The following KIF19 variants were observed in gnomAD, a reference collection of about 807,000 sequenced individuals.
KIF19 encodes the protein kinesin family member 19.
KIF19 carries 98 observed loss-of-function variants against 106.6 expected under a neutral mutation model. That is an observed-to-expected ratio of 0.92 (90% confidence interval 0.78 to 1.09). The LOEUF (loss-of-function observed/expected upper bound fraction) is 1.09, where lower values mean the gene tolerates loss of function less well. Among genes scored for constraint, KIF19 ranks in the 50% least tolerant of loss-of-function variants. KIF19 has a pLI of 0.00. For synonymous variants in KIF19, 516 were observed against 584.2 expected (o/e 0.88, Z 1.68); for missense variants, 1,373 against 1,414.3 (o/e 0.97, Z 0.47).
intron 11 of KIF19, 56 bp downstream of exon 11, chr17:74,350,631 G>A: frequency 6.2e-7 from 1 of 1,609,294 alleles, no homozygotes; most frequent in Non-Finnish European, 8.5e-7. Flanking sequence ...GGACAGAGGA[G>A]CACGACCTGT....
intron 7 of KIF19, among the ~76,000 whole-genome samples, chr17:74,345,520 C>T (rs962446596): frequency 6.6e-6 from 1 of 152,092 alleles, no homozygotes; most frequent in Non-Finnish European, 1.5e-5. Context: ...TTGTCCCCTC[C>T]CATGAAGTCC....
rs750882046 is a variant in KIF19, at chr17:74,344,841, C to T, written c.663C>T (p.His221=). 1.9e-5 allele frequency: 30 copies of T among 1,612,706 alleles called. No individual in the cohort carries two copies. The highest frequency in any genetic ancestry group is 8.8e-5 in the South Asian group (8 of 91,082). Residue 221 remains histidine, a synonymous_variant, in exon 7 of 20, where the codon CAC becomes CAT. Transcript: ENST00000389916. The part of the protein sequence containing the change: ...TAANQTSSRS[H]AVLQVTVRQR... ...CCAACCAGACGTCCTCCCGCTCCCA[C>T]GCGGTACTGCAGGTGACCGTGCGCC...
chr17:74,346,368 CG>C lies in KIF19; in HGVS notation c.778-9del, dbSNP rs1567912338. The C allele has an allele frequency of 6.4e-7, 1 of 1,567,642 alleles. No individual in the cohort carries two copies. The highest frequency in any genetic ancestry group is 2.4e-5 in the East Asian group (1 of 41,844). On this transcript the variant is annotated splice_polypyrimidine_tract_variant and intron_variant, in intron 7 of 19. Coordinates refer to ENST00000389916, the MANE Select transcript of KIF19 (RefSeq NM_153209.4). This position sits in a 1 kb window ranked among gnomAD's most constrained non-coding sequence, Gnocchi z 4.6. ...TCAGGCCACACGTGTGCCCTTTGCTCGCCCCCTAGACACAGAATCGTGGGCA... is the reference window on the plus strand; with the variant it reads ...TCAGGCCACACGTGTGCCCTTTGCTCCCCCCTAGACACAGAATCGTGGGCA...
intron 2 of KIF19, among the ~76,000 whole-genome samples, chr17:74,341,116 C>T (rs993589795): frequency 2.6e-5 from 4 of 152,136 alleles, no homozygotes; most frequent in Non-Finnish European, 4.4e-5. Context: ...TGGCGGGTCA[C>T]TTGAGGTCAG....
chr17:74,342,685 A>G lies in KIF19; in HGVS notation c.287A>G (p.Tyr96Cys). 1.9e-6 allele frequency: 3 copies of G among 1,613,694 alleles called. No individual in the cohort carries two copies. The highest frequency in any genetic ancestry group is 1.1e-5 in the South Asian group (1 of 91,078). Residue 96 changes from tyrosine (Y) to cysteine (C), a missense_variant, in exon 4 of 20, where the codon TAC becomes TGC. Around this residue, in one of 3 missense-constraint regions of KIF19, gnomAD observed 348 missense variants for 389.5 expected, o/e 0.89. Transcript: ENST00000389916. ...CTCATCGAGGGCGTCATCTCAGGCT[A>G]CAATGCCACTGTCTTTGCCTATGGC... The part of the protein sequence containing the change: ...KSLIEGVISG[Y>C]NATVFAYGPT...
Position 74,350,448 on chromosome 17 carries a change from C to A in KIF19, c.1261C>A (p.Gln421Lys), listed in dbSNP as rs1296235535. ...SGQGEKAGMG[Q>K]LREQLASAFQ... ...GCAGGGTGAGAAGGCTGGCATGGGA[C>A]AGCTTCGGGAGCAGCTCGCCAGCGC... The change falls in exon 11 of 20, where the codon CAG becomes AAG. Residue 421 changes from glutamine (Q) to lysine (K), a missense_variant. This residue lies in a region of KIF19 where 1,020 missense variants were observed against 1,008.2 expected (regional missense o/e 1.01). Transcript: ENST00000389916. The A allele has an allele frequency of 6.2e-7, 1 of 1,609,044 alleles. No homozygotes were observed. Among genetic ancestry groups the A allele is most frequent in the Non-Finnish European group, 8.5e-7 (1 of 1,178,612 alleles).
intron 9 of KIF19, 51 bp from the exon 10 acceptor site, chr17:74,349,133 A>C: frequency 6.2e-7 from 1 of 1,602,286 alleles, no homozygotes; most frequent in Non-Finnish European, 8.5e-7. Context: ...GGCCTCGGTG[A>C]GTGCACCTGG....
At position 74,349,366 on chromosome 17, in the gene KIF19, GT is replaced by G; in HGVS notation, c.1213+18del. On this transcript the variant is annotated intron_variant, in intron 10 of 19. Coordinates refer to ENST00000389916, the MANE Select transcript of KIF19 (RefSeq NM_153209.4). ...ACATCCAAGGTGCGCCTGTGGGTCT[GT>G]GTGAGTGGCAGCCCCCTCCGGCCAG... The G allele has an allele frequency of 6.3e-7, 1 of 1,576,968 alleles. No homozygotes were observed. The highest frequency in any genetic ancestry group is 8.6e-7 in the Non-Finnish European group (1 of 1,162,350).
intron 1 of KIF19, 84 bp downstream of exon 1, chr17:74,326,472 C>CCG: frequency 7.5e-7 from 1 of 1,339,220 alleles, no homozygotes; most frequent in Non-Finnish European, 1.1e-6. Flanking sequence ...TGTCCCCTCG[C>CCG]CGCCACCCCA....
At chr17:74,334,504 A>G (rs2054175440) in intron 2 of KIF19, among the ~76,000 whole-genome samples, 1 of 152,174 alleles carries the variant, frequency 6.6e-6, no homozygotes, top group South Asian at 2.1e-4. Flanking sequence ...AGAATCGTAT[A>G]GCCAGGCAGG....
chr17:74,343,136 T>C lies in KIF19; in HGVS notation c.432T>C (p.Tyr144=), dbSNP rs1233363859. The change falls in exon 5 of 20, where the codon TAT becomes TAC. Residue 144 remains tyrosine, a synonymous_variant. Coordinates refer to ENST00000389916, the MANE Select transcript of KIF19 (RefSeq NM_153209.4). ...AIEETSNDME[Y]EVSMSYLEIY... ...AGGAGACCAGCAATGACATGGAGTA[T>C]GAGGTCTCCATGTCCTACCTGGAGG... 6.2e-7 allele frequency: 1 copy of C among 1,612,574 alleles called. No homozygotes were observed. Among genetic ancestry groups the C allele is most frequent in the Middle Eastern group, 1.7e-4 (1 of 6,054 alleles).
Position 74,354,347 on chromosome 17 carries a change from C to T in KIF19, c.2494C>T (p.Pro832Ser). 6.2e-7 allele frequency: 1 copy of T among 1,604,850 alleles called. No individual in the cohort carries two copies. The highest frequency in any genetic ancestry group is 8.5e-7 in the Non-Finnish European group (1 of 1,176,394). ...RPPGPLACKR[P>S]PSPTLQHAAS... ...ACCAGGCCCACTGGCCTGCAAGCGG[C>T]CGCCCAGCCCCACACTACAGCATGC... is the stretch of plus-strand genomic sequence containing the variant. Residue 832 changes from proline (P) to serine (S), a missense_variant, in exon 18 of 20, where the codon CCG (proline) becomes TCG (serine). Physicochemically the swap from Pro to Ser is moderately conservative, Grantham distance 74 (BLOSUM62 -1). Around this residue, in one of 3 missense-constraint regions of KIF19, gnomAD observed 1,020 missense variants for 1,008.2 expected, o/e 1.01. Coordinates refer to ENST00000389916, the MANE Select transcript of KIF19 (RefSeq NM_153209.4).
intron 10 of KIF19, among the ~76,000 whole-genome samples, chr17:74,349,671 T>C (rs2054639442): frequency 6.6e-6 from 1 of 152,204 alleles, no homozygotes; most frequent in Admixed American, 6.5e-5. Flanking sequence ...TGCGAGGTCA[T>C]GCCTGCACCC....
intron 2 of KIF19, among the ~76,000 whole-genome samples, chr17:74,329,702 A>G (rs976305381): frequency 3.3e-5 from 5 of 151,998 alleles, no homozygotes; most frequent in African/African-American, 1.2e-4. Flanking sequence ...TCTGTAGACC[A>G]TGGCCAGGAT....
At chr17:74,354,625 T>G in intron 18 of KIF19, 66 bp downstream of exon 18, 2 of 1,545,352 alleles carry the variant, frequency 1.3e-6, no homozygotes, top group Non-Finnish European at 1.7e-6. Flanking sequence ...GAGGGCTGGA[T>G]TTCTCCAAAG....
intron 2 of KIF19, among the ~76,000 whole-genome samples, chr17:74,334,283 A>G (rs2054170802): frequency 6.6e-6 from 1 of 152,150 alleles, no homozygotes; most frequent in African/African-American, 2.4e-5. Flanking sequence ...CAGCATCTGG[A>G]TGGATACAAG....
chr17:74,352,523 C>T (rs553093068), intron 14 of KIF19, among the ~76,000 whole-genome samples, 183 bp downstream of exon 14: 2 of 152,322 alleles, frequency 1.3e-5, no homozygotes, highest in South Asian at 4.1e-4. Flanking sequence ...GACCCTCCTC[C>T]TTGGGCACTC....
intron 1 of KIF19, 55 bp from the exon 2 acceptor site, chr17:74,328,370 G>A: frequency 6.6e-7 from 1 of 1,524,716 alleles, no homozygotes; most frequent in South Asian, 1.2e-5. Context: ...AGGTCTCTCT[G>A]AGGCCCAGCA....
intron 3 of KIF19, among the ~76,000 whole-genome samples, 197 bp from the exon 4 acceptor site, chr17:74,342,433 G>C (rs1394780301): frequency 6.6e-6 from 1 of 152,102 alleles, no homozygotes; most frequent in Non-Finnish European, 1.5e-5. Context: ...CAGGTGTCCT[G>C]GGCTCTCTTT....
Sources: gnomAD v4.1 joint callset for allele counts (sites outside exome capture counted in the v4.1 genomes callset) on GRCh38, gnomAD v4.1.1 for gene constraint, gnomAD v4.1.1 regional missense constraint, Gnocchi (gnomAD v3.1) non-coding constraint, MANE v1.5 for transcripts, NCBI Gene and HGNC (gene_info 2026-07-23, HGNC 2026-07-21) for gene names.